The following RABGGTB variants were observed in gnomAD, a reference collection of about 807,000 sequenced individuals.
The protein encoded by RABGGTB is geranylgeranyl transferase type-2 subunit beta.
A neutral mutation model predicts 44.5 loss-of-function variants in RABGGTB; 20 were observed. That is an observed-to-expected ratio of 0.45 (90% CI 0.32 to 0.65). The LOEUF (loss-of-function observed/expected upper bound fraction) is 0.65, where lower values mean the gene tolerates loss of function less well. Among genes scored for constraint, RABGGTB ranks in the 30% least tolerant of loss-of-function variants. The pLI is 0.05. For missense variants in RABGGTB, 302 were observed against 398.7 expected, an observed-to-expected ratio of 0.76 and a Z score of 2.06; for synonymous variants, 128 against 136.7, an observed-to-expected ratio of 0.94 and a Z score of 0.44.
At position 75,787,555 on chromosome 1, in the gene RABGGTB, A is replaced by G; in HGVS notation, c.62A>G (p.Glu21Gly). The part of the protein sequence containing the change: ...KSDAPDTLLL[E>G]KHADYIASYG... ...GATGCACCGGACACTTTGTTATTGGAGAAACATGCAGATTATATCGCATCC... is the reference window on the plus strand; with the variant it reads ...GATGCACCGGACACTTTGTTATTGGGGAAACATGCAGATTATATCGCATCC... The change falls in exon 2 of 9, where the codon GAG (glutamate) becomes GGG (glycine). Residue 21 changes from glutamate to glycine, a missense_variant. This residue lies in a region of RABGGTB where 89 missense variants were observed against 75.0 expected (regional missense o/e 1.19). Transcript: ENST00000319942. The G allele has an allele frequency of 6.2e-7, 1 of 1,614,014 alleles. No individual in the cohort carries two copies. Among genetic ancestry groups the G allele is most frequent in the East Asian group, 2.2e-5 (1 of 44,868 alleles).
At chr1:75,790,355 T>TAA in intron 4 of RABGGTB, 30 of 1,157,442 alleles carry the variant, frequency 2.6e-5, no homozygotes, top group East Asian at 1.2e-4. Flanking sequence ...GAAAAATATT[T>TAA]AAAAAAAAAA....
Position 75,792,232 on chromosome 1 carries a change from A to C in RABGGTB, c.631A>C (p.Asn211His), listed in dbSNP as rs556725396. ...AATTACAAGTCAGTTGCATCAAGTA[A>C]ATTCTGATTTACTTGGCTGGTGGCT... ...LAITSQLHQV[N>H]SDLLGWWLCE... Residue 211 changes from asparagine (N) to histidine (H), a missense_variant, in exon 7 of 9, where the codon AAT becomes CAT. Physicochemically the swap from Asn to His is moderately conservative, Grantham distance 68. Coordinates refer to ENST00000319942, the MANE Select transcript of RABGGTB (RefSeq NM_004582.4). The C allele has an allele frequency of 1.2e-6, 2 of 1,614,012 alleles. No individual in the cohort carries two copies. The highest frequency in any genetic ancestry group is 2.2e-5 in the South Asian group (2 of 91,072).
At chr1:75,791,657 C>A in intron 6 of RABGGTB, 86 bp downstream of exon 6, 4 of 1,136,754 alleles carry the variant, frequency 3.5e-6, no homozygotes, top group South Asian at 2.8e-5. Context: ...CAGTGTTTGT[C>A]AAATACACAT....
At chr1:75,788,370 C>T (rs1649553069) in intron 2 of RABGGTB, 1 of 158,164 alleles carries the variant, frequency 6.3e-6, no homozygotes, top group African/African-American at 2.4e-5. Flanking sequence ...GCGGTGCGAT[C>T]TGGGCTCACT....
chr1:75,787,860 CTT>C, intron 2 of RABGGTB: 3 of 680,340 alleles, frequency 4.4e-6, no homozygotes, highest in Non-Finnish European at 2.7e-6. Flanking sequence ...ACGGGTTTCT[CTT>C]TTTGTAGTTA....
intron 2 of RABGGTB, chr1:75,787,886 C>A: frequency 1.6e-6 from 1 of 636,770 alleles, no homozygotes; most frequent in Non-Finnish European, 3.0e-6. Flanking sequence ...GTAATACTTT[C>A]AAGGTCAATG....
rs1649665620 is a variant in RABGGTB at position 75,792,316 on chromosome 1, G to A, written c.705+10G>A. 6.2e-7 allele frequency: 1 copy of A among 1,613,136 alleles called. No individual in the cohort carries two copies. The highest frequency in any genetic ancestry group is 1.1e-5 in the South Asian group (1 of 91,008). ...TGGAAGGCCGGAGAAGGTATTGTTT[G>A]ATAAGCCATATTCTGCTAGCTTTAG... is the stretch of plus-strand genomic sequence containing the variant. On this transcript the variant is annotated intron_variant, in intron 7 of 8. Coordinates refer to ENST00000319942, the MANE Select transcript of RABGGTB (RefSeq NM_004582.4).
chr1:75,787,927 G>A (rs1649540796), intron 2 of RABGGTB: 1 of 571,114 alleles, frequency 1.8e-6, no homozygotes, highest in African/African-American at 1.8e-5. Context: ...TGAATCTATT[G>A]CTGATGTGTA....
intron 2 of RABGGTB, chr1:75,787,873 G>C (rs1649538549): frequency 3.0e-6 from 2 of 660,018 alleles, no homozygotes; most frequent in African/African-American, 3.5e-5. Context: ...TTTGTAGTTA[G>C]GGGTAATACT....
intron 3 of RABGGTB, 36 bp downstream of exon 3, chr1:75,789,392 T>G (rs1278916040): frequency 6.4e-7 from 1 of 1,574,798 alleles, no homozygotes; most frequent in Non-Finnish European, 8.7e-7. Context: ...ATCTTGATAG[T>G]ATGTTCTCTT....
Position 75,789,487 on chromosome 1 carries a change from G to T in RABGGTB, c.309+131G>T, listed in dbSNP as rs1414573353. 3.3e-6 allele frequency: 3 copies of T among 906,194 alleles called. No homozygotes were observed. The African/African-American group carries it at 4.9e-5, about 15-fold the overall frequency. The allele number at this position is 906,194 out of a possible 1,614,324, so 56.1% of individuals were successfully genotyped here. On this transcript the variant is annotated intron_variant, in intron 3 of 8. Coordinates refer to ENST00000319942, the MANE Select transcript of RABGGTB (RefSeq NM_004582.4). Reference sequence around the variant, plus strand: ...GAAGCTGTCCTACAAGGTCAATGATGTAATGGCATGTATTAGCTGAATCTA... The same window carrying T: ...GAAGCTGTCCTACAAGGTCAATGATTTAATGGCATGTATTAGCTGAATCTA...
At chr1:75,786,456 A>G (rs550413287) in intron 1 of RABGGTB, among the ~76,000 whole-genome samples, 182 bp downstream of exon 1, 25 of 152,312 alleles carry the variant, frequency 1.6e-4, no homozygotes, top group Admixed American at 8.5e-4. Context: ...CTCGCGGGCA[A>G]TGCCGCTTCT....
chr1:75,794,812 G>T lies in RABGGTB; in HGVS notation c.*162G>T. On this transcript the variant is annotated 3_prime_UTR_variant, in exon 9 of 9. Coordinates refer to ENST00000319942, the MANE Select transcript of RABGGTB (RefSeq NM_004582.4). ...TTATACATATTGTAAAATAAAGACC[G>T]GTATTTTATTTTCTGCTTTTTATTC... The T allele has an allele frequency of 2.3e-6, 1 of 444,092 alleles. No individual in the cohort carries two copies. The highest frequency in any genetic ancestry group is 1.0e-4 in the South Asian group (1 of 9,876). The allele number at this position is 444,092 out of a possible 1,614,324, so 27.5% of individuals were successfully genotyped here.
At chr1:75,787,656 T>C (rs1408747230) in intron 2 of RABGGTB, 52 bp downstream of exon 2, 8 of 1,390,344 alleles carry the variant, frequency 5.8e-6, no homozygotes, top group Non-Finnish European at 8.2e-6. Flanking sequence ...AGTGTGACAG[T>C]CATAAGCAGT....
intron 2 of RABGGTB, chr1:75,787,894 A>G (rs758251095): frequency 4.8e-6 from 3 of 623,334 alleles, no homozygotes; most frequent in East Asian, 3.7e-5. Context: ...TTCAAGGTCA[A>G]TGATGTGTTG....
chr1:75,794,699 T>A lies in RABGGTB; in HGVS notation c.*49T>A, dbSNP rs1352331786. 1 of 1,468,478 alleles carries A rather than the reference T, an allele frequency of 6.8e-7. No individual in the cohort carries two copies. Among genetic ancestry groups the A allele is most frequent in the Non-Finnish European group, 9.1e-7 (1 of 1,096,332 alleles). The allele number at this position is 1,468,478 out of a possible 1,614,324, so 91.0% of individuals were successfully genotyped here. ...AGTATAGTTTTGCCATTTTAACATT[T>A]CTGTATTTGAAGTGCTTATCGAATC... On this transcript the variant is annotated 3_prime_UTR_variant, in exon 9 of 9. Coordinates refer to ENST00000319942, the MANE Select transcript of RABGGTB (RefSeq NM_004582.4).
At position 75,792,180 on chromosome 1, in the gene RABGGTB, G is replaced by T; in HGVS notation, c.580-1G>T. 1 of 1,600,638 alleles carries T rather than the reference G, an allele frequency of 6.2e-7. No homozygotes were observed. The highest frequency in any genetic ancestry group is 1.1e-5 in the South Asian group (1 of 90,700). ...CATAAACTTTATGTCTGTAATTTTA[G>T]ATCTATTGTTGCACAGGATTTCTGG... On this transcript the variant is annotated splice_acceptor_variant, in intron 6 of 8. Transcript: ENST00000319942. LOFTEE classifies it high-confidence loss of function.
intron 4 of RABGGTB, 128 bp from the exon 5 acceptor site, chr1:75,791,157 C>T: frequency 1.2e-6 from 1 of 807,788 alleles, no homozygotes; most frequent in Admixed American, 2.4e-5. Flanking sequence ...TAGCTTTCCT[C>T]CTGACTACCC....
At chr1:75,786,218 C>G (rs568475112), upstream of RABGGTB, 1 of 1,612,382 alleles carries the variant, frequency 6.2e-7, no homozygotes, top group African/African-American at 1.3e-5. Flanking sequence ...CGCAGGCGCC[C>G]GGCTCCTAAG....
Sources: allele counts gnomAD v4.1 joint callset (sites outside exome capture counted in the v4.1 genomes callset), GRCh38; gene constraint gnomAD v4.1.1; regional missense constraint gnomAD v4.1.1; transcripts MANE v1.5; gene names NCBI Gene and HGNC (gene_info 2026-07-23, HGNC 2026-07-21).